Variants in SCN2A observed in about 807,000 individuals in gnomAD.
SCN2A encodes sodium channel protein type 2 subunit alpha.
Under a neutral mutation model 188.7 loss-of-function variants are expected in SCN2A, and 20 were observed. That is an observed-to-expected ratio of 0.11 (90% CI 0.07 to 0.15). The LOEUF is 0.15. Among genes scored for constraint, SCN2A ranks in the 10% least tolerant of loss-of-function variants. The pLI, the probability that SCN2A is intolerant of heterozygous loss-of-function variation, is 1.00. For synonymous variants in SCN2A, 804 were observed against 833.1 expected (o/e 0.97, Z 0.60); for missense variants, 1,278 against 2,445.0 (o/e 0.52, Z 10.07).
At chr2:165,278,718 A>G (rs1339586433) in intron 1 of SCN2A, among the ~76,000 whole-genome samples, 1 of 152,146 alleles carries the variant, frequency 6.6e-6, no homozygotes, top group Non-Finnish European at 1.5e-5. Context: ...CAGGGGGATT[A>G]CTTGAGCCAG....
At position 165,323,456 on chromosome 2, in the gene SCN2A, G is replaced by A. The variant is rs767183298; in HGVS notation, c.1972G>A (p.Gly658Arg). ...CTGCAATGGTGTGGTCTCCCTGGTC[G>A]GGGGCCCTTCTACCCTCACATCTGC... ...VDCNGVVSLV[G>R]GPSTLTSAGQ... The change falls in exon 12 of 27, where the codon GGG (glycine) becomes AGG (arginine). Residue 658 changes from glycine to arginine, a missense_variant. This residue lies in a region of SCN2A where 315 missense variants were observed against 386.6 expected (regional missense o/e 0.81). Coordinates refer to ENST00000375437, the MANE Select transcript of SCN2A (RefSeq NM_001040142.2). 12 of 1,613,788 alleles carry A rather than the reference G, an allele frequency of 7.4e-6. No homozygotes were observed. The highest frequency in any genetic ancestry group is 1.1e-5 in the South Asian group (1 of 91,024).
At chr2:165,296,135 G>T in intron 2 of SCN2A, 45 bp downstream of exon 2, 1 of 1,580,754 alleles carries the variant, frequency 6.3e-7, no homozygotes, top group Non-Finnish European at 8.7e-7. Context: ...TTACTAATTG[G>T]TTCTGGGCTA....
intron 14 of SCN2A, among the ~76,000 whole-genome samples, chr2:165,334,340 T>C (rs184218333): frequency 2.6e-4 from 40 of 151,648 alleles, no homozygotes; most frequent in Admixed American, 2.4e-3. Context: ...GACACAAATA[T>C]AGACCAGCCA....
chr2:165,296,737 G>A lies in SCN2A; in HGVS notation c.268-280G>A, dbSNP rs61311571. The A allele has an allele frequency of 0.01, 2,201 of 211,350 alleles. 44 individuals carry two copies. Among genetic ancestry groups the A allele is most frequent in the African/African-American group, 0.041 (1,770 of 43,288 alleles). 13.1% of individuals were successfully genotyped at this position (211,350 alleles called of 1,614,324 possible). A position where few individuals can be genotyped will look rare whatever the true frequency, so the allele number is the denominator to read the frequency against. On this transcript the variant is annotated intron_variant, in intron 2 of 26. Coordinates refer to ENST00000375437, the MANE Select transcript of SCN2A (RefSeq NM_001040142.2). ...TGTGCTTTATGTGAATTATAAATGC[G>A]GTTTTAAAATACTTACATTAAAACT...
chr2:165,308,636 T>C (rs770660058), intron 4 of SCN2A, 30 bp from the exon 5 acceptor site: 5 of 1,607,120 alleles, frequency 3.1e-6, no homozygotes, highest in Non-Finnish European at 4.3e-6. Flanking sequence ...CCACTAGATT[T>C]TTAATGTGAG....
At position 165,265,174 on chromosome 2, in the gene SCN2A, G is replaced by A. The variant is rs187695393; in HGVS notation, c.-52+25534G>A. ...CTTTTAATAATAGCTATTCTGACTG[G>A]TGTGAGATGGTATCTCTTTGTGGTT... On this transcript the variant is annotated intron_variant, in intron 1 of 26. Coordinates refer to ENST00000375437, the MANE Select transcript of SCN2A (RefSeq NM_001040142.2). Among the ~76,000 whole-genome samples the A allele has an allele frequency of 5.8e-4, 88 of 151,802 alleles. 1 individual carries two copies. The highest frequency in any genetic ancestry group is 1.8e-3 in the African/African-American group (73 of 41,404).
intron 15 of SCN2A, among the ~76,000 whole-genome samples, chr2:165,343,218 A>G (rs1042834619): frequency 3.3e-5 from 5 of 152,202 alleles, no homozygotes; most frequent in African/African-American, 1.2e-4. Flanking sequence ...ACGTTCCTAT[A>G]GATGATTTAC....
At chr2:165,312,138 C>G in intron 8 of SCN2A, 50 bp downstream of exon 8, 6 of 1,339,816 alleles carry the variant, frequency 4.5e-6, no homozygotes, top group Non-Finnish European at 6.4e-6. Context: ...CCATCAGTGT[C>G]AATAACCTGC....
chr2:165,367,102 T>A (rs574852021), intron 18 of SCN2A, 115 bp from the exon 19 acceptor site: 40 of 995,390 alleles, frequency 4.0e-5, no homozygotes, highest in African/African-American at 8.2e-5. Context: ...ATCTTAAAAA[T>A]TAATGTTATT....
chr2:165,372,990 G>C (rs1283353412), intron 20 of SCN2A: 1 of 410,058 alleles, frequency 2.4e-6, no homozygotes, highest in Non-Finnish European at 4.5e-6. Context: ...TTTTATAAGT[G>C]TTCGCAGACT....
At chr2:165,379,536 T>A (rs1701490727) in intron 23 of SCN2A, among the ~76,000 whole-genome samples, 1 of 151,784 alleles carries the variant, frequency 6.6e-6, no homozygotes, top group South Asian at 2.1e-4. Context: ...TCCTGGGTTA[T>A]GGATTTCACT....
intron 1 of SCN2A, among the ~76,000 whole-genome samples, chr2:165,258,423 C>T (rs976801822): frequency 3.9e-5 from 6 of 152,116 alleles, no homozygotes; most frequent in African/African-American, 1.4e-4. Flanking sequence ...AACAGGAAGT[C>T]CTTTGTCCGT....
intron 1 of SCN2A, chr2:165,240,167 C>T (rs1271143608): frequency 6.6e-6 from 1 of 152,100 alleles, no homozygotes; most frequent in Non-Finnish European, 1.5e-5. Context: ...AGTCATTTCT[C>T]CCACATGAAT....
intron 11 of SCN2A, among the ~76,000 whole-genome samples, chr2:165,322,631 G>A (rs914804116): frequency 4.6e-5 from 7 of 152,094 alleles, no homozygotes; most frequent in East Asian, 1.9e-4. Flanking sequence ...AAGCTGCCCC[G>A]TGTACTATAA....
In SCN2A at chr2:165,265,468, G is replaced by GATATATAT. The variant is rs1436110486; in HGVS notation, c.-52+25830_-52+25831insATATATAT. Among the ~76,000 whole-genome samples the GATATATAT allele has an allele frequency of 2.0e-3, 40 of 19,770 alleles. 1 individual carries two copies. The highest frequency in any genetic ancestry group is 3.6e-3 in the African/African-American group (21 of 5,780). The allele number at this position is 19,770 out of a possible 152,430, so 13.0% of individuals were successfully genotyped here. A position where few individuals can be genotyped will look rare whatever the true frequency, so the allele number is the denominator to read the frequency against. ...CTCTAGGTTATGTGTTTACTCTGTT[G>GATATATAT]ATCTATATATATATATATATATATA... On this transcript the variant is annotated intron_variant, in intron 1 of 26. Transcript: ENST00000375437.
intron 16 of SCN2A, among the ~76,000 whole-genome samples, chr2:165,346,569 C>T (rs1188898903): frequency 6.6e-6 from 1 of 152,094 alleles, no homozygotes; most frequent in Non-Finnish European, 1.5e-5. Context: ...GACTGAAACA[C>T]CAAAAGCAAT....
chr2:165,370,693 C>T, intron 20 of SCN2A: 1 of 188,950 alleles, frequency 5.3e-6, no homozygotes, highest in Non-Finnish European at 1.1e-5. Context: ...GTTTAGGTCA[C>T]ACAGATGAAT....
At chr2:165,304,341 T>C (rs1696999358) in intron 3 of SCN2A, among the ~76,000 whole-genome samples, 1 of 152,192 alleles carries the variant, frequency 6.6e-6, no homozygotes, top group Non-Finnish European at 1.5e-5. Flanking sequence ...GTGATCTGCC[T>C]GCCTCAGCCT....
chr2:165,243,019 T>C (rs965172564), intron 1 of SCN2A, among the ~76,000 whole-genome samples: 20 of 152,224 alleles, frequency 1.3e-4, no homozygotes, highest in African/African-American at 4.3e-4. Flanking sequence ...GCAAAACACT[T>C]TCCTGCAGAA....
Sources: gnomAD v4.1 joint callset for allele counts (sites outside exome capture counted in the v4.1 genomes callset) on GRCh38, gnomAD v4.1.1 for gene constraint, gnomAD v4.1.1 regional missense constraint, MANE v1.5 for transcripts, NCBI Gene and HGNC (gene_info 2026-07-23, HGNC 2026-07-21) for gene names.